Variants in FNIP2 observed in about 807,000 individuals in gnomAD.
FNIP2 encodes the protein folliculin-interacting protein 2.
Under a neutral mutation model 108.7 loss-of-function variants are expected in FNIP2, and 32 were observed. That is an observed-to-expected ratio of 0.29 (90% CI 0.22 to 0.40). The LOEUF is 0.40. Ranked by LOEUF, FNIP2 falls within the 10% of genes least tolerant of loss-of-function variation. The pLI is 1.00. For missense variants in FNIP2, 1,202 were observed against 1,381.6 expected (o/e 0.87, Z 2.06); for synonymous variants, 480 against 496.7 (o/e 0.97, Z 0.45).
Position 158,874,213 on chromosome 4 carries a change from C to G in FNIP2, c.2949+3744C>G, listed in dbSNP as rs189327041. Among the ~76,000 whole-genome samples the G allele has an allele frequency of 2.2e-3, 340 of 152,288 alleles. 4 individuals are homozygous for G. The highest frequency in any genetic ancestry group is 3.9e-4 in the East Asian group (2 of 5,194). The stretch of plus-strand genomic sequence containing the variant: ...TAGGAAGTTAACTTCTGAAGACAGA[C>G]AAACCTAAGTTTGAATCATGGTTCA... On this transcript the variant is annotated intron_variant, in intron 14 of 16. Coordinates refer to ENST00000264433, the MANE Select transcript of FNIP2 (RefSeq NM_020840.3).
chr4:158,845,805 T>G (rs1779370839), intron 7 of FNIP2, among the ~76,000 whole-genome samples: 2 of 152,270 alleles, frequency 1.3e-5, no homozygotes, highest in Non-Finnish European at 2.9e-5. Context: ...TTAACAATGA[T>G]GTGCCACAGC....
intron 16 of FNIP2, 107 bp from the exon 17 acceptor site, chr4:158,904,359 A>G: frequency 2.0e-6 from 2 of 980,706 alleles, no homozygotes; most frequent in Admixed American, 2.2e-5. Flanking sequence ...ATGATAATCT[A>G]TCAAACTTAG....
intron 14 of FNIP2, among the ~76,000 whole-genome samples, chr4:158,883,508 T>C (rs905523377): frequency 6.6e-6 from 1 of 152,228 alleles, no homozygotes; most frequent in Non-Finnish European, 1.5e-5. Context: ...CCCAAAAGCC[T>C]GGGATTACAG....
At chr4:158,861,246 AG>A in intron 10 of FNIP2, 95 bp from the exon 11 acceptor site, 1 of 1,372,220 alleles carries the variant, frequency 7.3e-7, no homozygotes, top group Admixed American at 2.6e-5. Flanking sequence ...AGGACTACAT[AG>A]ATTCAAGTTG....
chr4:158,893,083 T>A (rs1782389024), intron 15 of FNIP2: 1 of 152,208 alleles, frequency 6.6e-6, no homozygotes, highest in Admixed American at 6.5e-5. Flanking sequence ...GTTGGTTAGT[T>A]GTGTAACAAT....
chr4:158,832,211 G>C, intron 5 of FNIP2, 73 bp downstream of exon 5: 1 of 1,192,320 alleles, frequency 8.4e-7, no homozygotes. Context: ...AATTCTTTAA[G>C]GGCCATAAGG....
At chr4:158,876,085 A>G (rs931494937) in intron 14 of FNIP2, among the ~76,000 whole-genome samples, 1 of 152,210 alleles carries the variant, frequency 6.6e-6, no homozygotes, top group Admixed American at 6.5e-5. Context: ...TCATGATGTT[A>G]AAATGTATTT....
chr4:158,799,485 C>G (rs1776692867), intron 1 of FNIP2, among the ~76,000 whole-genome samples: 1 of 152,188 alleles, frequency 6.6e-6, no homozygotes, highest in African/African-American at 2.4e-5. Context: ...TCTGCAGCAA[C>G]TCTTCCAGAC....
At chr4:158,811,893 C>T (rs1004850657) in intron 1 of FNIP2, among the ~76,000 whole-genome samples, 2 of 152,140 alleles carry the variant, frequency 1.3e-5, no homozygotes, top group Non-Finnish European at 2.9e-5. Context: ...GAACAAGCCA[C>T]GCGGGTGTTT....
At chr4:158,902,624 G>C (rs1029881418) in intron 16 of FNIP2, among the ~76,000 whole-genome samples, 16 of 152,302 alleles carry the variant, frequency 1.1e-4, no homozygotes, top group Middle Eastern at 3.4e-3. Context: ...AAAGAGATGG[G>C]GGTTTTATCT....
chr4:158,817,224 C>T (rs748896593), intron 1 of FNIP2, among the ~76,000 whole-genome samples: 5 of 152,322 alleles, frequency 3.3e-5, no homozygotes, highest in Admixed American at 6.5e-5. Flanking sequence ...GTGACCTGCC[C>T]ACTCAGTGTC....
intron 15 of FNIP2, among the ~76,000 whole-genome samples, chr4:158,892,844 C>G (rs1782370815): frequency 6.6e-6 from 1 of 152,196 alleles, no homozygotes; most frequent in South Asian, 2.1e-4. Flanking sequence ...CCCAACAAAG[C>G]AGGAAGTTTT....
At chr4:158,855,347 C>T (rs1166246046) in intron 8 of FNIP2, among the ~76,000 whole-genome samples, 6 of 152,170 alleles carry the variant, frequency 3.9e-5, no homozygotes, top group Non-Finnish European at 7.3e-5. Flanking sequence ...GGACGCTGTG[C>T]GTGTGGGGTC....
At chr4:158,867,462 T>C (rs1266419758) in intron 12 of FNIP2, among the ~76,000 whole-genome samples, 1 of 152,200 alleles carries the variant, frequency 6.6e-6, no homozygotes, top group African/African-American at 2.4e-5. Context: ...AAAGTGCTGA[T>C]ATTACAGGCA....
chr4:158,872,505 A>G (rs904582707), intron 14 of FNIP2: 1 of 985,452 alleles, frequency 1.0e-6, no homozygotes, highest in Admixed American at 6.1e-5. Flanking sequence ...GTTATTAAGC[A>G]TAATAACCTA....
chr4:158,785,722 T>TA (rs397995960), intron 1 of FNIP2, among the ~76,000 whole-genome samples: 2 of 151,532 alleles, frequency 1.3e-5, no homozygotes, highest in African/African-American at 2.4e-5. Flanking sequence ...TTTTTTTTTT[T>TA]AACTTCAGAG....
chr4:158,883,403 G>A (rs192787495), intron 14 of FNIP2, among the ~76,000 whole-genome samples: 83 of 152,146 alleles, frequency 5.5e-4, no homozygotes, highest in African/African-American at 1.4e-3. Context: ...CACTATGCCC[G>A]GCTAATTTTT....
rs1780739858 is a variant in FNIP2 at position 158,868,723 on chromosome 4, A to C, written c.2087A>C (p.Asp696Ala). 1 of 1,613,996 alleles carries C rather than the reference A, an allele frequency of 6.2e-7. No homozygotes were observed. The highest frequency in any genetic ancestry group is 1.1e-5 in the South Asian group (1 of 91,086). Reference sequence around the variant, plus strand: ...GTGGAGATGCCTACAAGACTGCCAGACCGGTCAGTGGCCTGGCCTTGCCCT... The same window carrying C: ...GTGGAGATGCCTACAAGACTGCCAGCCCGGTCAGTGGCCTGGCCTTGCCCT... ...LKVEMPTRLP[D>A]RSVAWPCPDR... The change falls in exon 13 of 17, where the codon GAC becomes GCC. Residue 696 changes from aspartate to alanine, a missense_variant. This residue lies in a region of FNIP2 where 878 missense variants were observed against 990.3 expected (regional missense o/e 0.89). Transcript: ENST00000264433. The surrounding 1 kb of genome is among the most constrained non-coding windows in gnomAD (Gnocchi z 4.6).
intron 1 of FNIP2, among the ~76,000 whole-genome samples, chr4:158,792,736 T>C (rs998141853): frequency 2.0e-5 from 3 of 152,140 alleles, no homozygotes; most frequent in African/African-American, 7.2e-5. Flanking sequence ...CATGGTGACT[T>C]TATAGAACAT....
Sources: gnomAD v4.1 joint callset for allele counts (sites outside exome capture counted in the v4.1 genomes callset) on GRCh38, gnomAD v4.1.1 for gene constraint, gnomAD v4.1.1 regional missense constraint, Gnocchi (gnomAD v3.1) non-coding constraint, MANE v1.5 for transcripts, NCBI Gene and HGNC (gene_info 2026-07-23, HGNC 2026-07-21) for gene names.